Variants in MTMR10 observed in about 807,000 individuals in gnomAD.
MTMR10 encodes myotubularin-related protein 10.
A neutral mutation model predicts 88.1 loss-of-function variants in MTMR10; 56 were observed. That is an observed-to-expected ratio of 0.64 (90% CI 0.51 to 0.79). The LOEUF is 0.79. Among genes scored for constraint, MTMR10 ranks in the 30% least tolerant of loss-of-function variants. The pLI, the probability that MTMR10 is intolerant of heterozygous loss-of-function variation, is 0.00. For synonymous variants in MTMR10, 380 were observed against 340.9 expected (o/e 1.11, Z -1.26); for missense variants, 883 against 924.7 (o/e 0.95, Z 0.58).
At chr15:30,968,103 G>A in intron 5 of MTMR10, 93 bp from the exon 6 acceptor site, 1 of 881,582 alleles carries the variant, frequency 1.1e-6, no homozygotes, top group Non-Finnish European at 1.8e-6. Context: ...CATCATCTTG[G>A]GGCAGTGATT....
In MTMR10 at chr15:30,941,364, T is replaced by C. The variant is rs2063046340; in HGVS notation, c.*106A>G. The C allele has an allele frequency of 5.2e-6, 8 of 1,538,552 alleles. No homozygotes were observed. In the East Asian group the frequency reaches 1.5e-4, roughly 28 times the overall value. On this transcript the variant is annotated 3_prime_UTR_variant, in exon 16 of 16. Transcript: ENST00000435680. ...ATATTAGTGCAAATTCCAACTATTA[T>C]TCTTACATATAAAGTTATTAGAGAT...
At chr15:30,922,456 T>C in the MTMR10 span, 181 of 1,179,408 alleles carry the variant, frequency 1.5e-4, no homozygotes, top group Admixed American at 2.1e-4. Context: ...AATTAGAACA[T>C]GTATTTCTTT....
intron 12 of MTMR10, 154 bp from the exon 13 acceptor site, chr15:30,948,625 A>G: frequency 2.9e-6 from 2 of 685,234 alleles, no homozygotes; most frequent in East Asian, 5.4e-5. Flanking sequence ...GCAACTCTAA[A>G]ATATTACAGA....
chr15:30,955,944 A>G (rs1293482058), intron 9 of MTMR10, among the ~76,000 whole-genome samples: 7 of 151,484 alleles, frequency 4.6e-5, no homozygotes, highest in African/African-American at 1.7e-4. Context: ...ATTCCCATCT[A>G]TATTCAATGG....
intron 5 of MTMR10, among the ~76,000 whole-genome samples, chr15:30,970,761 AT>A (rs2063528577): frequency 6.6e-6 from 1 of 152,250 alleles, no homozygotes; most frequent in South Asian, 2.1e-4. Context: ...AACACAGCGT[AT>A]TTTTTAAAAG....
Position 30,940,996 on chromosome 15 carries a change from T to G in MTMR10, c.*474A>C. 1 of 1,150,716 alleles carries G rather than the reference T, an allele frequency of 8.7e-7. No homozygotes were observed. Among genetic ancestry groups the G allele is most frequent in the Non-Finnish European group, 1.1e-6 (1 of 923,954 alleles). The allele number at this position is 1,150,716 out of a possible 1,614,324, so 71.3% of individuals were successfully genotyped here. A position where few individuals can be genotyped will look rare whatever the true frequency, so the allele number is the denominator to read the frequency against. On this transcript the variant is annotated 3_prime_UTR_variant, in exon 16 of 16. Transcript: ENST00000435680. ...CTGGCCCCAGAACACTGAACCTTCATCAGGTGAGTTCAATTAGAGACGACA... is the reference window on the plus strand; with the variant it reads ...CTGGCCCCAGAACACTGAACCTTCAGCAGGTGAGTTCAATTAGAGACGACA...
chr15:30,984,504 C>A (rs749904663), intron 2 of MTMR10, among the ~76,000 whole-genome samples: 1 of 152,124 alleles, frequency 6.6e-6, no homozygotes, highest in Non-Finnish European at 1.5e-5. Context: ...ACATAAAACA[C>A]TTGAAAGATA....
chr15:30,981,376 G>C (rs746673889), intron 2 of MTMR10, among the ~76,000 whole-genome samples: 1 of 152,172 alleles, frequency 6.6e-6, no homozygotes, highest in Non-Finnish European at 1.5e-5. Flanking sequence ...AAGTGATCGA[G>C]GTTAACCTCA....
chr15:30,974,851 G>C, intron 4 of MTMR10, 80 bp downstream of exon 4: 1 of 1,016,592 alleles, frequency 9.8e-7, no homozygotes, highest in Non-Finnish European at 1.4e-6. Flanking sequence ...GCCAATCCAA[G>C]TATTTTGAGA....
At chr15:30,968,050 CT>C in intron 5 of MTMR10, 40 bp from the exon 6 acceptor site, 2 of 1,406,026 alleles carry the variant, frequency 1.4e-6, no homozygotes, top group South Asian at 1.3e-5. Flanking sequence ...TTTTAACACA[CT>C]TAGTTAAATG....
chr15:30,932,867 C>A, the MTMR10 span, among the ~76,000 whole-genome samples: 1 of 151,260 alleles, frequency 6.6e-6, no homozygotes. Flanking sequence ...TGTGCACCAC[C>A]ATGCCTGGAT....
intron 12 of MTMR10, chr15:30,949,579 A>G (rs1291621207): frequency 2.6e-5 from 4 of 152,252 alleles, no homozygotes; most frequent in Non-Finnish European, 5.9e-5. Flanking sequence ...TTATATTCAC[A>G]GTGACATAAA....
At chr15:30,920,727 G>A in the MTMR10 span, 2 of 831,068 alleles carry the variant, frequency 2.4e-6, no homozygotes, top group South Asian at 1.7e-5. Context: ...CAGCTGTCGG[G>A]CTCTCAGCAT....
chr15:30,943,383 A>C lies in MTMR10; in HGVS notation c.1549-311T>G, dbSNP rs2293321. 1.9e-3 allele frequency: 1,835 copies of C among 984,616 alleles called. 83 individuals carry two copies. The East Asian group carries it at 0.13, about 68-fold the overall frequency. The allele number at this position is 984,616 out of a possible 1,614,324, so 61.0% of individuals were successfully genotyped here. A position where few individuals can be genotyped will look rare whatever the true frequency, so the allele number is the denominator to read the frequency against. On this transcript the variant is annotated intron_variant, in intron 14 of 15. Coordinates refer to ENST00000435680, the MANE Select transcript of MTMR10 (RefSeq NM_017762.3). ...CACTAACATGATACTAGAAAGTCTT[A>C]AACATGTTGAATTTATTTCTATAAT...
intron 6 of MTMR10, among the ~76,000 whole-genome samples, chr15:30,961,944 T>A (rs1362366833): frequency 6.6e-6 from 1 of 152,182 alleles, no homozygotes; most frequent in Non-Finnish European, 1.5e-5. Context: ...AAATGAAACA[T>A]CCAACAATCA....
chr15:30,920,822 T>C, the MTMR10 span, among the ~76,000 whole-genome samples: 1 of 152,248 alleles, frequency 6.6e-6, no homozygotes, highest in African/African-American at 2.4e-5. Flanking sequence ...TCTCACTCCA[T>C]CACCTAGGCT....
chr15:30,929,283 T>C, the MTMR10 span: 1 of 1,613,372 alleles, frequency 6.2e-7, no homozygotes, highest in Non-Finnish European at 8.5e-7. Flanking sequence ...AGCTGATTCA[T>C]GATGCCCCCG....
chr15:30,966,453 G>A lies in MTMR10; in HGVS notation c.565+1467C>T, dbSNP rs146271649. Among the ~76,000 whole-genome samples the A allele has an allele frequency of 2.9e-3, 444 of 152,262 alleles. 1 individual carries two copies. The highest frequency in any genetic ancestry group is 0.024 in the Middle Eastern group (7 of 294). ...AAGTTATGGATCTGTAAACTGAAATGAATCATTTCTATTGGAAAAACAGCA... is the reference window on the plus strand; with the variant it reads ...AAGTTATGGATCTGTAAACTGAAATAAATCATTTCTATTGGAAAAACAGCA... On this transcript the variant is annotated intron_variant, in intron 6 of 15. Coordinates refer to ENST00000435680, the MANE Select transcript of MTMR10 (RefSeq NM_017762.3).
chr15:30,942,196 T>C, intron 15 of MTMR10, 124 bp from the exon 16 acceptor site: 1 of 1,193,686 alleles, frequency 8.4e-7, no homozygotes, highest in Non-Finnish European at 1.2e-6. Flanking sequence ...AAGAACATTT[T>C]CCTCCCTTCC....
Sources: gnomAD v4.1 joint callset for allele counts (sites outside exome capture counted in the v4.1 genomes callset) on GRCh38, gnomAD v4.1.1 for gene constraint, MANE v1.5 for transcripts, NCBI Gene and HGNC (gene_info 2026-07-23, HGNC 2026-07-21) for gene names.